Variants in WNK3 observed in about 807,000 individuals in gnomAD.
WNK3 encodes the protein WNK lysine deficient protein kinase 3.
WNK3 carries 18 observed loss-of-function variants against 116.7 expected under a neutral mutation model. The ratio of observed to expected loss-of-function variants is 0.15; its 90% confidence interval spans 0.11 to 0.23. The LOEUF (loss-of-function observed/expected upper bound fraction) is 0.23. Ranked by LOEUF, WNK3 falls within the 10% of genes least tolerant of loss-of-function variation. The pLI, the probability that WNK3 is intolerant of heterozygous loss-of-function variation, is 1.00. For missense variants in WNK3, 993 were observed against 1,323.8 expected (o/e 0.75, Z 3.88); for synonymous variants, 404 against 469.4 (o/e 0.86, Z 1.80).
intron 5 of WNK3, among the ~76,000 whole-genome samples, chrX:54,305,512 C>T (rs150621063): frequency 0.032 from 3,613 of 111,670 alleles, 145 homozygotes; most frequent in African/African-American, 0.11. Flanking sequence ...GCCTCCCTCC[C>T]TTCCTGTTTG....
At chrX:54,289,397 A>G (rs1175327912) in intron 10 of WNK3, among the ~76,000 whole-genome samples, 2 of 110,980 alleles carry the variant, frequency 1.8e-5, no homozygotes, top group Non-Finnish European at 3.8e-5. Context: ...GGGAAGGATG[A>G]TAATTCCGCA....
chrX:54,204,309 G>C (rs1489319019), intron 22 of WNK3, among the ~76,000 whole-genome samples: 1 of 110,224 alleles, frequency 9.1e-6, no homozygotes, highest in Non-Finnish European at 1.9e-5. Flanking sequence ...GGTAGAGATG[G>C]GGTTTCACCA....
intron 10 of WNK3, among the ~76,000 whole-genome samples, chrX:54,283,369 G>A (rs1259313096): frequency 8.9e-6 from 1 of 111,947 alleles, no homozygotes; most frequent in African/African-American, 3.2e-5. Flanking sequence ...ATACATGAAC[G>A]ACCTATATGC....
At chrX:54,267,133 T>C (rs1393631584) in intron 10 of WNK3, among the ~76,000 whole-genome samples, 1 of 111,787 alleles carries the variant, frequency 8.9e-6, no homozygotes, top group Non-Finnish European at 1.9e-5. Flanking sequence ...CTATTTACAA[T>C]AGCAAAGACT....
intron 10 of WNK3, among the ~76,000 whole-genome samples, chrX:54,259,858 C>G (rs1452760090): frequency 8.9e-6 from 1 of 111,777 alleles, no homozygotes; most frequent in Non-Finnish European, 1.9e-5. Context: ...AGGGCAAATA[C>G]CAATTCTACT....
chrX:54,224,715 G>A (rs1383835988), intron 22 of WNK3, among the ~76,000 whole-genome samples: 2 of 109,310 alleles, frequency 1.8e-5, no homozygotes, highest in Admixed American at 9.8e-5. Flanking sequence ...GACTACAGGC[G>A]CCCGCCACCA....
intron 1 of WNK3, among the ~76,000 whole-genome samples, chrX:54,351,507 A>G (rs1221947337): frequency 2.7e-5 from 3 of 111,587 alleles, no homozygotes; most frequent in African/African-American, 9.8e-5. Context: ...GCGGTGGCTC[A>G]TACCTGTAAT....
intron 11 of WNK3, among the ~76,000 whole-genome samples, chrX:54,256,704 T>C (rs1390325637): frequency 8.9e-6 from 1 of 112,496 alleles, no homozygotes; most frequent in Non-Finnish European, 1.9e-5. Flanking sequence ...TCATGAAGCA[T>C]CTATATATAG....
At chrX:54,327,296 G>C (rs2069117210) in intron 2 of WNK3, among the ~76,000 whole-genome samples, 1 of 111,396 alleles carries the variant, frequency 9.0e-6, no homozygotes, top group African/African-American at 3.3e-5. Context: ...AAAAAAGACA[G>C]AATTAGGCTG....
chrX:54,320,733 A>C (rs1384868934), intron 2 of WNK3, among the ~76,000 whole-genome samples: 2 of 106,715 alleles, frequency 1.9e-5, no homozygotes, highest in Non-Finnish European at 3.9e-5. Flanking sequence ...AGCCCTTGCT[A>C]TGTTGACCAG....
At chrX:54,331,175 G>A (rs948719335) in intron 2 of WNK3, among the ~76,000 whole-genome samples, 6 of 109,158 alleles carry the variant, frequency 5.5e-5, no homozygotes, top group Admixed American at 9.9e-5. Flanking sequence ...GTTTACCTAT[G>A]TAACAAACCT....
intron 10 of WNK3, among the ~76,000 whole-genome samples, chrX:54,260,303 G>A (rs2068242136): frequency 1.8e-5 from 2 of 111,772 alleles, no homozygotes; most frequent in African/African-American, 6.5e-5. Flanking sequence ...TTTAAACATT[G>A]AGAGCAAATA....
At chrX:54,335,027 G>A (rs1322622302) in intron 1 of WNK3, among the ~76,000 whole-genome samples, 1 of 110,967 alleles carries the variant, frequency 9.0e-6, no homozygotes, top group Non-Finnish European at 1.9e-5. Context: ...TTGGGAGGCC[G>A]AGGCGGGCAG....
At chrX:54,279,355 T>C (rs1447636339) in intron 10 of WNK3, among the ~76,000 whole-genome samples, 1 of 111,520 alleles carries the variant, frequency 9.0e-6, no homozygotes, top group Non-Finnish European at 1.9e-5. Flanking sequence ...GTAATATACA[T>C]AACAATTATA....
chrX:54,350,630 A>T (rs1557178407), intron 1 of WNK3, among the ~76,000 whole-genome samples: 1 of 111,592 alleles, frequency 9.0e-6, no homozygotes, highest in Non-Finnish European at 1.9e-5. Context: ...GCCTTTTCAT[A>T]GGGCAAATTC....
At chrX:54,228,521 A>C (rs111722044) in intron 22 of WNK3, among the ~76,000 whole-genome samples, 193 bp downstream of exon 22, 1 of 111,462 alleles carries the variant, frequency 9.0e-6, no homozygotes, top group African/African-American at 3.3e-5. Context: ...AGCTACAATG[A>C]GGGATGACTA....
At chrX:54,260,654 C>T (rs782040057) in intron 10 of WNK3, among the ~76,000 whole-genome samples, 3 of 111,602 alleles carry the variant, frequency 2.7e-5, no homozygotes, top group Non-Finnish European at 3.8e-5. Flanking sequence ...TTAATATTTA[C>T]AAATAGGTGC....
At chrX:54,302,757 A>ATATATATT (rs1557167848) in intron 5 of WNK3, among the ~76,000 whole-genome samples, 2 of 43,367 alleles carry the variant, frequency 4.6e-5, no homozygotes, top group African/African-American at 1.1e-4. Context: ...ATATATATAT[A>ATATATATT]TTTTTTTTTT....
chrX:54,198,278 A>T, exon 24 of WNK3: 1 of 1,053,862 alleles, frequency 9.5e-7, no homozygotes, highest in South Asian at 2.8e-5. Flanking sequence ...GGTGTCCTGA[A>T]AATAATTCTG....
Sources: gnomAD v4.1 joint callset for allele counts (sites outside exome capture counted in the v4.1 genomes callset) on GRCh38, gnomAD v4.1.1 for gene constraint, MANE v1.5 for transcripts, NCBI Gene and HGNC (gene_info 2026-07-23, HGNC 2026-07-21) for gene names.